The following AHCYL2 variants were observed in gnomAD, a reference collection of about 807,000 sequenced individuals.
AHCYL2 encodes the protein adenosylhomocysteinase like 2, also known as S-adenosylhomocysteine hydrolase-like protein 2.
AHCYL2 carries 28 observed loss-of-function variants against 81.4 expected under a neutral mutation model. The ratio of observed to expected loss-of-function variants is 0.34; its 90% CI spans 0.25 to 0.47. The LOEUF is 0.47. Among genes scored for constraint, AHCYL2 ranks in the 20% least tolerant of loss-of-function variants. AHCYL2 has a pLI of 1.00. For missense variants in AHCYL2, 551 were observed against 785.1 expected (o/e 0.70, Z 3.56); for synonymous variants, 272 against 290.2 (o/e 0.94, Z 0.64).
intron 1 of AHCYL2, among the ~76,000 whole-genome samples, chr7:129,336,810 G>A (rs780496545): frequency 7.2e-5 from 11 of 152,048 alleles, no homozygotes; most frequent in African/African-American, 2.4e-4. Flanking sequence ...GCAGTGGCAC[G>A]ATCACAGCTC....
chr7:129,235,429 CTTCTTT>C (rs543938887), intron 1 of AHCYL2, among the ~76,000 whole-genome samples: 11 of 151,758 alleles, frequency 7.2e-5, no homozygotes, highest in Admixed American at 5.9e-4. Context: ...TCTTCTTCTT[CTTCTTT>C]CTCTTGAGAC....
At chr7:129,359,550 T>C (rs149780788) in intron 1 of AHCYL2, among the ~76,000 whole-genome samples, 2 of 152,384 alleles carry the variant, frequency 1.3e-5, no homozygotes, top group Non-Finnish European at 2.9e-5. Flanking sequence ...GCACACATTC[T>C]ACATTCATTT....
chr7:129,315,019 A>T (rs1053031983), intron 1 of AHCYL2, among the ~76,000 whole-genome samples: 2 of 152,100 alleles, frequency 1.3e-5, no homozygotes, highest in African/African-American at 4.8e-5. Context: ...TGAGTTTAGT[A>T]TGGAAAGCAC....
At chr7:129,314,540 TC>T (rs1797768336) in intron 1 of AHCYL2, among the ~76,000 whole-genome samples, 1 of 152,168 alleles carries the variant, frequency 6.6e-6, no homozygotes, top group African/African-American at 2.4e-5. Context: ...AGGGCCCACT[TC>T]CTGGTTCATA....
At chr7:129,260,049 C>A (rs899521724) in intron 1 of AHCYL2, among the ~76,000 whole-genome samples, 1 of 149,358 alleles carries the variant, frequency 6.7e-6, no homozygotes, top group South Asian at 2.1e-4. Context: ...GCCCTCCAGC[C>A]TGGGCAACGT....
chr7:129,280,085 A>G (rs955048463), intron 1 of AHCYL2, among the ~76,000 whole-genome samples: 1 of 152,004 alleles, frequency 6.6e-6, no homozygotes, highest in African/African-American at 2.4e-5. Flanking sequence ...CTTGGTTCTA[A>G]TGCTTCTGAC....
chr7:129,244,523 T>C (rs889491181), intron 1 of AHCYL2, among the ~76,000 whole-genome samples: 6 of 152,204 alleles, frequency 3.9e-5, no homozygotes, highest in Non-Finnish European at 8.8e-5. Flanking sequence ...TCAGATTCAA[T>C]GTCTGGTGTG....
chr7:129,373,773 A>G (rs992712921), intron 1 of AHCYL2, among the ~76,000 whole-genome samples: 4 of 152,208 alleles, frequency 2.6e-5, no homozygotes, highest in African/African-American at 9.6e-5. Flanking sequence ...AGTGAGGGAA[A>G]GGGGAACCAG....
intron 1 of AHCYL2, among the ~76,000 whole-genome samples, chr7:129,247,453 C>T (rs1795100932): frequency 6.6e-6 from 1 of 152,100 alleles, no homozygotes; most frequent in African/African-American, 2.4e-5. Flanking sequence ...ACAGCATGTT[C>T]TGAATACAAA....
At chr7:129,301,511 T>C (rs1434967992) in intron 1 of AHCYL2, among the ~76,000 whole-genome samples, 1 of 152,236 alleles carries the variant, frequency 6.6e-6, no homozygotes, top group East Asian at 1.9e-4. Flanking sequence ...GATTTAAATC[T>C]TTAATCTATT....
intron 1 of AHCYL2, among the ~76,000 whole-genome samples, chr7:129,337,750 T>C (rs1208543748): frequency 6.6e-6 from 1 of 152,048 alleles, no homozygotes; most frequent in Non-Finnish European, 1.5e-5. Flanking sequence ...TTTTCAGTCT[T>C]TCTTTTCTTT....
intron 1 of AHCYL2, among the ~76,000 whole-genome samples, chr7:129,358,168 C>T (rs529579725): frequency 1.3e-3 from 193 of 151,022 alleles, no homozygotes; most frequent in African/African-American, 4.3e-3. Flanking sequence ...CCGAGGTGGG[C>T]GGATCACGAG....
intron 1 of AHCYL2, among the ~76,000 whole-genome samples, chr7:129,280,904 G>A (rs975238002): frequency 3.4e-4 from 50 of 146,992 alleles, no homozygotes; most frequent in Admixed American, 1.2e-3. Flanking sequence ...TCGCTCTGTC[G>A]CCCAGGCTGG....
At chr7:129,228,909 A>C (rs1794320068) in intron 1 of AHCYL2, among the ~76,000 whole-genome samples, 1 of 152,238 alleles carries the variant, frequency 6.6e-6, no homozygotes. Flanking sequence ...GATTTGGTTA[A>C]TTATAGAGTA....
intron 1 of AHCYL2, among the ~76,000 whole-genome samples, chr7:129,336,902 G>A (rs543903897): frequency 3.9e-5 from 6 of 152,018 alleles, no homozygotes; most frequent in East Asian, 1.9e-4. Flanking sequence ...GCAAGCCACC[G>A]TGCCTGGCTA....
In AHCYL2 at chr7:129,368,307, C is replaced by T; in HGVS notation, c.364-11331C>T. 1.4e-6 allele frequency: 2 copies of T among 1,433,794 alleles called. No individual in the cohort carries two copies. The highest frequency in any genetic ancestry group is 1.8e-6 in the Non-Finnish European group (2 of 1,093,810). 88.8% of individuals were successfully genotyped at this position (1,433,794 alleles called of 1,614,324 possible). The stretch of plus-strand genomic sequence containing the variant: ...TTGAAGCCGGCCAGTAAGGGGTTGT[C>T]AGGCAGTTGACTAATGCTCTTGATT... On this transcript the variant is annotated intron_variant, in intron 1 of 16. Coordinates refer to ENST00000325006, the MANE Select transcript of AHCYL2 (RefSeq NM_015328.4). This position sits in a 1 kb window ranked among gnomAD's most constrained non-coding sequence, Gnocchi z 4.4.
chr7:129,313,024 A>G (rs1526899), intron 1 of AHCYL2, among the ~76,000 whole-genome samples: 9,382 of 152,168 alleles, frequency 0.062, 935 homozygotes, highest in African/African-American at 0.21. Context: ...ACCACTTTCT[A>G]ACATATAATT....
intron 1 of AHCYL2, among the ~76,000 whole-genome samples, chr7:129,334,692 C>G (rs1798533948): frequency 6.6e-6 from 1 of 152,064 alleles, no homozygotes; most frequent in Admixed American, 6.5e-5. Flanking sequence ...GGTGGGATGT[C>G]AAAATTTCTT....
At position 129,406,304 on chromosome 7, in the gene AHCYL2, C is replaced by CACTTT; in HGVS notation, c.1207-71_1207-67dup. The CACTTT allele has an allele frequency of 7.4e-7, 1 of 1,342,518 alleles. No individual in the cohort carries two copies. Among genetic ancestry groups the CACTTT allele is most frequent in the South Asian group, 1.2e-5 (1 of 84,702 alleles). The allele number at this position is 1,342,518 out of a possible 1,614,324, so 83.2% of individuals were successfully genotyped here. A position where few individuals can be genotyped will look rare whatever the true frequency, so the allele number is the denominator to read the frequency against. On this transcript the variant is annotated intron_variant, in intron 9 of 16. Transcript: ENST00000325006. The surrounding 1 kb of genome is among the most constrained non-coding windows in gnomAD (Gnocchi z 4.3). ...CTCTCGGGGGTGGAAAGAGGGGGTG[C>CACTTT]ACTTTACCAGAAGCTTTGAGAAATG...
Sources: allele counts gnomAD v4.1 joint callset (sites outside exome capture counted in the v4.1 genomes callset), GRCh38; gene constraint gnomAD v4.1.1; non-coding constraint Gnocchi (gnomAD v3.1); transcripts MANE v1.5; gene names NCBI Gene and HGNC (gene_info 2026-07-23, HGNC 2026-07-21).